The following LYST variants were observed in gnomAD, a reference collection of about 807,000 sequenced individuals.
LYST encodes the protein lysosomal-trafficking regulator.
LYST carries 192 observed loss-of-function variants against 413.6 expected under a neutral mutation model. The ratio of observed to expected loss-of-function variants is 0.46; its 90% CI spans 0.41 to 0.52. LYST has a LOEUF of 0.52. Ranked by LOEUF, LYST falls within the 20% of genes least tolerant of loss-of-function variation. LYST has a pLI of 0.00. For missense variants in LYST, 3,815 were observed against 4,499.9 expected, an observed-to-expected ratio of 0.85 and a Z score of 4.35; for synonymous variants, 1,525 against 1,567.3, an observed-to-expected ratio of 0.97 and a Z score of 0.64.
At chr1:235,720,275 AT>A (rs1284327688) in intron 40 of LYST, among the ~76,000 whole-genome samples, 1 of 151,874 alleles carries the variant, frequency 6.6e-6, no homozygotes, top group Non-Finnish European at 1.5e-5. Context: ...ACAACCAACT[AT>A]AAAAAGCTAT....
chr1:235,782,199 G>A, intron 14 of LYST, 112 bp from the exon 15 acceptor site: 1 of 969,074 alleles, frequency 1.0e-6, no homozygotes, highest in South Asian at 1.5e-5. Flanking sequence ...TTTTTTTGGA[G>A]ACAGAGTCTC....
intron 43 of LYST, among the ~76,000 whole-genome samples, chr1:235,709,741 A>T (rs534228593): frequency 2.0e-5 from 3 of 150,254 alleles, no homozygotes; most frequent in Admixed American, 2.0e-4. Flanking sequence ...TAAATTTAAG[A>T]TTATATTTAG....
chr1:235,802,532 T>C (rs1018841743), intron 8 of LYST, among the ~76,000 whole-genome samples: 1 of 152,238 alleles, frequency 6.6e-6, no homozygotes, highest in Non-Finnish European at 1.5e-5. Flanking sequence ...TAGTCCTCAA[T>C]GTAAACATTG....
Position 235,806,209 on chromosome 1 carries a change from A to T in LYST, c.2927T>A (p.Val976Glu), listed in dbSNP as rs553291243. The T allele has an allele frequency of 1.9e-6, 3 of 1,614,028 alleles. No homozygotes were observed. In the African/African-American group the frequency reaches 4.0e-5, roughly 22 times the overall value. Residue 976 changes from valine (V) to glutamate (E), a missense_variant, in exon 6 of 53, where the codon GTG becomes GAG. This residue lies in a region of LYST where 1,648 missense variants were observed against 1,810.3 expected (regional missense o/e 0.91). Coordinates refer to ENST00000389793, the MANE Select transcript of LYST (RefSeq NM_000081.4). ...AAGCCTATAAAACTGTTTCTGGAAC[A>T]CTGAACTCAACATGTAGATCCAACG... Reference protein sequence around the residue: ...MCRWIYMLSSVFQKQFYRLGG... With the variant: ...MCRWIYMLSSEFQKQFYRLGG...
intron 47 of LYST, among the ~76,000 whole-genome samples, 181 bp from the exon 48 acceptor site, chr1:235,687,228 C>T (rs1487290018): frequency 6.6e-6 from 1 of 151,902 alleles, no homozygotes; most frequent in Non-Finnish European, 1.5e-5. Context: ...AGTAATATTC[C>T]GTAACTTTGA....
chr1:235,790,856 T>A (rs1021253980), intron 12 of LYST, among the ~76,000 whole-genome samples: 2 of 152,202 alleles, frequency 1.3e-5, no homozygotes, highest in African/African-American at 2.4e-5. Flanking sequence ...CTGATGCATT[T>A]AAACATTCTG....
chr1:235,729,567 T>C (rs1558160055), intron 37 of LYST, 29 bp downstream of exon 37: 3 of 1,472,718 alleles, frequency 2.0e-6, no homozygotes, highest in Non-Finnish European at 2.9e-6. Flanking sequence ...AGGGTGAATA[T>C]GTGCAAAATT....
At chr1:235,773,317 C>CA (rs145099272) in intron 19 of LYST, among the ~76,000 whole-genome samples, 94 of 141,078 alleles carry the variant, frequency 6.7e-4, no homozygotes, top group Middle Eastern at 3.6e-3. Flanking sequence ...AACTCCATTT[C>CA]AAAAAAAAAA....
intron 45 of LYST, 143 bp from the exon 46 acceptor site, chr1:235,697,415 T>G: frequency 3.1e-6 from 2 of 648,758 alleles, no homozygotes; most frequent in Non-Finnish European, 5.4e-6. Flanking sequence ...ACGCATTTTT[T>G]TTTACTTCCC....
At chr1:235,753,710 G>A (rs1666714259) in intron 25 of LYST, among the ~76,000 whole-genome samples, 1 of 152,118 alleles carries the variant, frequency 6.6e-6, no homozygotes, top group Admixed American at 6.5e-5. Flanking sequence ...ACTTGCCTCT[G>A]GGATGGAATG....
chr1:235,734,029 G>C, intron 32 of LYST, 123 bp from the exon 33 acceptor site: 1 of 555,772 alleles, frequency 1.8e-6, no homozygotes. Context: ...GTCCCTAGGA[G>C]ACCAGAATAT....
chr1:235,747,170 C>T (rs748582423), intron 28 of LYST: 1 of 420,192 alleles, frequency 2.4e-6, no homozygotes, highest in South Asian at 1.7e-5. Flanking sequence ...ATTACTGCAC[C>T]TGCTCCAGGA....
intron 3 of LYST, among the ~76,000 whole-genome samples, chr1:235,816,445 A>T (rs113546080): frequency 0.055 from 7,695 of 140,684 alleles, 687 homozygotes; most frequent in African/African-American, 0.2. Context: ...GTCAAAAAAA[A>T]AAATAAATAA....
intron 48 of LYST, among the ~76,000 whole-genome samples, chr1:235,679,400 T>C (rs1659634411): frequency 6.6e-6 from 1 of 152,130 alleles, no homozygotes; most frequent in Non-Finnish European, 1.5e-5. Context: ...TTCTGCAGCA[T>C]TGAGTTTGTG....
At chr1:235,731,769 G>A (rs1227211148) in intron 34 of LYST, among the ~76,000 whole-genome samples, 1 of 151,904 alleles carries the variant, frequency 6.6e-6, no homozygotes, top group African/African-American at 2.4e-5. Flanking sequence ...TGTCGGCCAG[G>A]CTTGTCTCAA....
intron 2 of LYST, among the ~76,000 whole-genome samples, chr1:235,830,843 A>G (rs1675896653): frequency 6.6e-6 from 1 of 152,206 alleles, no homozygotes; most frequent in Non-Finnish European, 1.5e-5. Flanking sequence ...ACAATCACTG[A>G]CCCATCCTCC....
chr1:235,723,933 G>A (rs776262859), intron 39 of LYST, 95 bp downstream of exon 39: 50 of 1,103,748 alleles, frequency 4.5e-5, no homozygotes, highest in Non-Finnish European at 5.9e-5. Flanking sequence ...AATTTTATTC[G>A]ATTTCAGTAA....
At chr1:235,772,951 A>G (rs939004595) in intron 19 of LYST, among the ~76,000 whole-genome samples, 1 of 152,368 alleles carries the variant, frequency 6.6e-6, no homozygotes, top group East Asian at 1.9e-4. Flanking sequence ...CCAGATTTCC[A>G]TTTATAATTA....
chr1:235,661,960 C>T lies in LYST; in HGVS notation c.*980G>A, dbSNP rs1400108793. 1 of 152,170 alleles carries T rather than the reference C, an allele frequency of 6.6e-6. No individual in the cohort carries two copies. The highest frequency in any genetic ancestry group is 1.5e-5 in the Non-Finnish European group (1 of 68,012). 9.4% of individuals were successfully genotyped at this position (152,170 alleles called of 1,614,324 possible). A position where few individuals can be genotyped will look rare whatever the true frequency, so the allele number is the denominator to read the frequency against. On this transcript the variant is annotated 3_prime_UTR_variant, in exon 53 of 53. Transcript: ENST00000389793. ...AGTAGAAACAGAATGAAATGGTTTCCTAAAAGAATTATTCTGCCTCCTGTT... is the reference window on the plus strand; with the variant it reads ...AGTAGAAACAGAATGAAATGGTTTCTTAAAAGAATTATTCTGCCTCCTGTT...
Sources: allele counts gnomAD v4.1 joint callset (sites outside exome capture counted in the v4.1 genomes callset), GRCh38; gene constraint gnomAD v4.1.1; regional missense constraint gnomAD v4.1.1; transcripts MANE v1.5; gene names NCBI Gene and HGNC (gene_info 2026-07-23, HGNC 2026-07-21).